THEMIS: variants seen among roughly 807,000 people sequenced by gnomAD.
THEMIS encodes protein THEMIS.
A neutral mutation model predicts 52.6 loss-of-function variants in THEMIS; 37 were observed. That is an observed-to-expected ratio of 0.70 (90% CI 0.54 to 0.93). The LOEUF is 0.93. THEMIS is among the 40% of genes least tolerant of loss of function. The pLI is 0.00. For synonymous variants in THEMIS, 292 were observed against 272.7 expected, an observed-to-expected ratio of 1.07 and a Z score of -0.70; for missense variants, 808 against 763.1, an observed-to-expected ratio of 1.06 and a Z score of -0.69.
downstream of THEMIS, among the ~76,000 whole-genome samples, chr6:127,703,289 C>T (rs1003158218): frequency 9.2e-5 from 14 of 152,028 alleles, no homozygotes; most frequent in East Asian, 3.9e-4. Flanking sequence ...CCTCGTGATC[C>T]GCCCGCCTTG....
At chr6:127,846,729 A>G (rs1031861187) in intron 2 of THEMIS, among the ~76,000 whole-genome samples, 6 of 151,842 alleles carry the variant, frequency 4.0e-5, no homozygotes, top group Non-Finnish European at 8.8e-5. Context: ...ATTACAACCA[A>G]TCCTACTGAA....
At chr6:127,841,995 G>C (rs981654538) in intron 2 of THEMIS, among the ~76,000 whole-genome samples, 5 of 151,928 alleles carry the variant, frequency 3.3e-5, no homozygotes, top group African/African-American at 1.2e-4. Context: ...GCTCTATTTA[G>C]GGCTGCTCTG....
intron 5 of THEMIS, among the ~76,000 whole-genome samples, chr6:127,715,942 A>T (rs1168765455): frequency 6.6e-6 from 1 of 151,848 alleles, no homozygotes; most frequent in Admixed American, 6.6e-5. Flanking sequence ...AATGCTATGC[A>T]TCTAGGTTGT....
chr6:127,844,707 C>A (rs1311866747), intron 2 of THEMIS, among the ~76,000 whole-genome samples: 1 of 151,896 alleles, frequency 6.6e-6, no homozygotes, highest in Non-Finnish European at 1.5e-5. Context: ...AGGGACAAAT[C>A]TTTCCAGGAG....
chr6:127,725,462 G>A (rs915361037), intron 4 of THEMIS, among the ~76,000 whole-genome samples: 2 of 151,912 alleles, frequency 1.3e-5, no homozygotes, highest in African/African-American at 2.4e-5. Flanking sequence ...GTGTGTGTGT[G>A]TCTGTGAGTG....
chr6:127,805,048 G>A (rs1273867841), intron 4 of THEMIS, among the ~76,000 whole-genome samples: 3 of 151,962 alleles, frequency 2.0e-5, no homozygotes, highest in African/African-American at 7.2e-5. Flanking sequence ...AATAACAGTG[G>A]ATTTATTATA....
chr6:127,704,777 A>C (rs1252933255), downstream of THEMIS, among the ~76,000 whole-genome samples: 3 of 152,206 alleles, frequency 2.0e-5, no homozygotes, highest in East Asian at 1.9e-4. Flanking sequence ...GATGAAGCAC[A>C]CAAGGCACTC....
rs58472332 is a variant in THEMIS at position 127,907,337 on chromosome 6, A to ATTTTTTTTTTTTTTTTTTTTTT, written c.-149-6278_-149-6257dup. 5.7e-4 allele frequency among the ~76,000 whole-genome samples: 28 copies of ATTTTTTTTTTTTTTTTTTTTTT among 49,458 alleles called. 8 individuals are homozygous for ATTTTTTTTTTTTTTTTTTTTTT. Among genetic ancestry groups the ATTTTTTTTTTTTTTTTTTTTTT allele is most frequent in the African/African-American group, 9.3e-4 (12 of 12,840 alleles). 32.4% of individuals were successfully genotyped at this position (49,458 alleles called of 152,430 possible). A position where few individuals can be genotyped will look rare whatever the true frequency, so the allele number is the denominator to read the frequency against. On this transcript the variant is annotated intron_variant, in intron 1 of 6. Transcript: ENST00000368250. The stretch of plus-strand genomic sequence containing the variant: ...AATACCATTAGGGCATTAGGCTCGG[A>ATTTTTTTTTTTTTTTTTTTTTT]TTTTTTTTTTTTTTTTTTTTTTTTT...
At chr6:127,744,977 G>A (rs763969031) in intron 4 of THEMIS, among the ~76,000 whole-genome samples, 3 of 151,676 alleles carry the variant, frequency 2.0e-5, no homozygotes, top group African/African-American at 4.8e-5. Flanking sequence ...TCTTCAAATG[G>A]TATACCTTAA....
intron 1 of THEMIS, among the ~76,000 whole-genome samples, chr6:127,914,910 G>C (rs1338317482): frequency 6.6e-6 from 1 of 152,052 alleles, no homozygotes; most frequent in Non-Finnish European, 1.5e-5. Flanking sequence ...TGCCTGCTAT[G>C]GTTATCACAA....
chr6:127,895,997 T>C (rs1055245056), intron 1 of THEMIS, among the ~76,000 whole-genome samples: 23 of 151,454 alleles, frequency 1.5e-4, no homozygotes, highest in Non-Finnish European at 2.7e-4. Context: ...CAGTGAAATA[T>C]GACCCCATTG....
chr6:127,734,206 A>C (rs781142026), intron 4 of THEMIS, among the ~76,000 whole-genome samples: 25 of 152,192 alleles, frequency 1.6e-4, no homozygotes, highest in Non-Finnish European at 3.5e-4. Flanking sequence ...ACTGTAAGAA[A>C]ACATTTATGA....
intron 1 of THEMIS, among the ~76,000 whole-genome samples, chr6:127,877,186 A>G (rs1780339228): frequency 6.6e-6 from 1 of 152,174 alleles, no homozygotes; most frequent in South Asian, 2.1e-4. Context: ...CTTGATCTGA[A>G]TTAGGATTTG....
intron 1 of THEMIS, among the ~76,000 whole-genome samples, chr6:127,859,685 A>G (rs1268276426): frequency 6.6e-6 from 1 of 152,154 alleles, no homozygotes; most frequent in East Asian, 1.9e-4. Context: ...TGAAGTATAT[A>G]CAAGCTGACT....
At chr6:127,705,222 T>C (rs1773783541), downstream of THEMIS, among the ~76,000 whole-genome samples, 1 of 152,218 alleles carries the variant, frequency 6.6e-6, no homozygotes, top group Non-Finnish European at 1.5e-5. Flanking sequence ...AAATTTTATA[T>C]AGCAAATTGG....
chr6:127,813,827 C>G lies in THEMIS; in HGVS notation c.814G>C (p.Asp272His), dbSNP rs757756359. Residue 272 changes from aspartate (D) to histidine (H), a missense_variant, in exon 4 of 6, where the codon GAT becomes CAT. Physicochemically the swap from Asp to His is moderately conservative, Grantham distance 81. Coordinates refer to ENST00000368248, the MANE Select transcript of THEMIS (RefSeq NM_001010923.3). ...NWFLQLLSTE[D>H]LFEMTSKEFP... is the part of the protein sequence containing the mutation. ...TCTTTACTAGTCATTTCAAAAAGAT[C>G]TTCTGTTGATAACAGCTGAAGAAAC... The G allele has an allele frequency of 6.2e-7, 1 of 1,613,858 alleles. No homozygotes were observed. The highest frequency in any genetic ancestry group is 8.5e-7 in the Non-Finnish European group (1 of 1,179,896).
chr6:127,798,460 C>T (rs1777406784), intron 4 of THEMIS, among the ~76,000 whole-genome samples: 1 of 152,054 alleles, frequency 6.6e-6, no homozygotes, highest in South Asian at 2.1e-4. Context: ...AGGATGGTTT[C>T]GAATTCTAGC....
At chr6:127,824,445 T>C (rs993266547) in intron 3 of THEMIS, among the ~76,000 whole-genome samples, 2 of 152,100 alleles carry the variant, frequency 1.3e-5, no homozygotes, top group Non-Finnish European at 2.9e-5. Flanking sequence ...GTTGGCAGGA[T>C]AATATCTAAA....
rs189769199 is a variant in THEMIS, at chr6:127,822,509, A to G, written c.709+6967T>C. Among the ~76,000 whole-genome samples the G allele has an allele frequency of 3.1e-3, 469 of 152,202 alleles. 2 individuals are homozygous for G. The highest frequency in any genetic ancestry group is 5.8e-3 in the Non-Finnish European group (395 of 67,980). On this transcript the variant is annotated intron_variant, in intron 3 of 5. Coordinates refer to ENST00000368248, the MANE Select transcript of THEMIS (RefSeq NM_001010923.3). ...ACTGAGAGTTATTTAAAATGAATAC[A>G]CTTGCATTTGATATGAGTTTATTTG...
Sources: gnomAD v4.1 joint callset for allele counts (sites outside exome capture counted in the v4.1 genomes callset) on GRCh38, gnomAD v4.1.1 for gene constraint, MANE v1.5 for transcripts, NCBI Gene and HGNC (gene_info 2026-07-23, HGNC 2026-07-21) for gene names.